PDZRN3: variants seen among roughly 807,000 people sequenced by gnomAD.
The protein encoded by PDZRN3 is E3 ubiquitin-protein ligase PDZRN3.
PDZRN3 carries 38 observed loss-of-function variants against 85.7 expected under a neutral mutation model. The ratio of observed to expected loss-of-function variants is 0.44; its 90% CI spans 0.34 to 0.58. The LOEUF (loss-of-function observed/expected upper bound fraction) is 0.58, where lower values mean the gene tolerates loss of function less well. Among genes scored for constraint, PDZRN3 ranks in the 20% least tolerant of loss-of-function variants. The pLI is 0.01. For missense variants in PDZRN3, 1,629 were observed against 1,506.4 expected, an observed-to-expected ratio of 1.08 and a Z score of -1.35; for synonymous variants, 759 against 638.0, an observed-to-expected ratio of 1.19 and a Z score of -2.86.
chr3:73,555,915 C>T (rs918255927), intron 3 of PDZRN3, among the ~76,000 whole-genome samples: 13 of 152,194 alleles, frequency 8.5e-5, no homozygotes, highest in Middle Eastern at 6.3e-3. Flanking sequence ...TCAATTGTAA[C>T]TCCAGTACTT....
rs1559729335 is a variant in PDZRN3, at chr3:73,540,590, CTGA to C, written c.918+61761_918+61763del. On this transcript the variant is annotated intron_variant, in intron 3 of 9. Coordinates refer to ENST00000263666, the MANE Select transcript of PDZRN3 (RefSeq NM_015009.3). ...GATAGTGAATGAGTTCTCACAAGAT[CTGA>C]TGGTTTTATAAGGGGCATTTTCCTC... 2.6e-5 allele frequency among the ~76,000 whole-genome samples: 4 copies of C among 152,264 alleles called. No individual in the cohort carries two copies. The South Asian group carries it at 8.3e-4, about 32-fold the overall frequency.
At chr3:73,537,760 C>T (rs1482311040) in intron 3 of PDZRN3, among the ~76,000 whole-genome samples, 4 of 151,526 alleles carry the variant, frequency 2.6e-5, no homozygotes, top group Non-Finnish European at 4.4e-5. Context: ...GCAGGGATTA[C>T]AGGCCTGCGC....
chr3:73,400,390 T>C (rs1701724478), intron 5 of PDZRN3, among the ~76,000 whole-genome samples: 1 of 152,246 alleles, frequency 6.6e-6, no homozygotes, highest in Non-Finnish European at 1.5e-5. Flanking sequence ...ATCTTGAATC[T>C]TTATTCCTGT....
chr3:73,611,870 TC>T (rs1702689928), intron 1 of PDZRN3, among the ~76,000 whole-genome samples: 1 of 152,216 alleles, frequency 6.6e-6, no homozygotes, highest in Non-Finnish European at 1.5e-5. Flanking sequence ...TTTAACCTGT[TC>T]CTAGGGTCAA....
chr3:73,511,845 T>C (rs1704172401), intron 3 of PDZRN3, among the ~76,000 whole-genome samples: 1 of 152,188 alleles, frequency 6.6e-6, no homozygotes. Flanking sequence ...CAACGGCCCA[T>C]ATTTACATGA....
intron 3 of PDZRN3, among the ~76,000 whole-genome samples, chr3:73,531,741 C>T (rs991706335): frequency 6.6e-6 from 1 of 152,220 alleles, no homozygotes; most frequent in Admixed American, 6.5e-5. Context: ...AAAATACACA[C>T]ATTTGCTCAT....
chr3:73,392,272 C>T (rs544911554), intron 5 of PDZRN3, among the ~76,000 whole-genome samples: 4 of 152,214 alleles, frequency 2.6e-5, no homozygotes, highest in African/African-American at 4.8e-5. Flanking sequence ...AGAGCTAGAC[C>T]GGGCAGGGCC....
intron 3 of PDZRN3, among the ~76,000 whole-genome samples, chr3:73,506,625 C>T (rs540011191): frequency 3.3e-5 from 5 of 152,104 alleles, no homozygotes; most frequent in East Asian, 3.9e-4. Flanking sequence ...AAGACTTACT[C>T]GAATATGATC....
chr3:73,600,331 A>ACTCT (rs1236234605), intron 3 of PDZRN3, among the ~76,000 whole-genome samples: 80 of 85,978 alleles, frequency 9.3e-4, no homozygotes, highest in Middle Eastern at 6.3e-3. Context: ...ACACACACAC[A>ACTCT]CACACACTCT....
At chr3:73,529,488 C>T (rs565084703) in intron 3 of PDZRN3, among the ~76,000 whole-genome samples, 1 of 152,224 alleles carries the variant, frequency 6.6e-6, no homozygotes, top group East Asian at 1.9e-4. Flanking sequence ...AACGTTTGCA[C>T]TGCCACCTTT....
At position 73,383,945 on chromosome 3, in the gene PDZRN3, G is replaced by T; in HGVS notation, c.2621C>A (p.Pro874Gln). ...GCTCTGGTAGTGCTGGGCGTGCGCC[G>T]GGATGTGCGCGTGCTTGTATGGGGA... is the stretch of plus-strand genomic sequence containing the variant. The part of the protein sequence containing the change: ...HHSPYKHAHI[P>Q]AHAQHYQSYM... The change falls in exon 10 of 10, where the codon CCG becomes CAG. Residue 874 changes from proline (P) to glutamine (Q), a missense_variant. By Grantham distance (76) the Pro-to-Gln change is moderately conservative. Transcript: ENST00000263666. The T allele has an allele frequency of 1.2e-6, 2 of 1,604,178 alleles. No homozygotes were observed. Among genetic ancestry groups the T allele is most frequent in the Non-Finnish European group, 1.7e-6 (2 of 1,175,704 alleles).
At chr3:73,617,483 T>C (rs886214642) in intron 1 of PDZRN3, among the ~76,000 whole-genome samples, 3 of 152,324 alleles carry the variant, frequency 2.0e-5, no homozygotes, top group African/African-American at 7.2e-5. Context: ...GGGTGTCTGA[T>C]TGATCCCCTG....
intron 3 of PDZRN3, among the ~76,000 whole-genome samples, chr3:73,563,105 G>A (rs1475880527): frequency 1.6e-4 from 23 of 140,428 alleles, no homozygotes; most frequent in Admixed American, 8.8e-4. Context: ...TGCAAGCTCC[G>A]CCTCCCAGGT....
intron 3 of PDZRN3, chr3:73,404,608 T>C: frequency 2.0e-6 from 1 of 510,304 alleles, no homozygotes; most frequent in Non-Finnish European, 3.4e-6. Context: ...CATGCAATAA[T>C]AAATCTCACA....
Position 73,383,664 on chromosome 3 carries a change from T to C in PDZRN3, c.2902A>G (p.Lys968Glu), listed in dbSNP as rs1306101685. 3 of 1,612,708 alleles carry C rather than the reference T, an allele frequency of 1.9e-6. No individual in the cohort carries two copies. Among genetic ancestry groups the C allele is most frequent in the Non-Finnish European group, 1.7e-6 (2 of 1,180,010 alleles). ...TCCTTGCTCCAGTAGCGCCCCATCT[T>C]CATCTCGCTCACCGCGTCGTCGTCG... is the stretch of plus-strand genomic sequence containing the variant. Reference protein sequence around the residue: ...TTDDDAVSEMKMGRYWSKEER... With the variant: ...TTDDDAVSEMEMGRYWSKEER... The change falls in exon 10 of 10, where the codon AAG becomes GAG. Residue 968 changes from lysine (K) to glutamate (E), a missense_variant. Physicochemically the swap from Lys to Glu is moderately conservative, Grantham distance 56. Transcript: ENST00000263666.
chr3:73,567,569 A>T (rs1278023652), intron 3 of PDZRN3, among the ~76,000 whole-genome samples: 3 of 151,866 alleles, frequency 2.0e-5, no homozygotes, highest in African/African-American at 4.8e-5. Context: ...CCACTGAATT[A>T]GAAAAAACTC....
chr3:73,590,183 C>T (rs1434868306), intron 3 of PDZRN3, among the ~76,000 whole-genome samples: 1 of 148,818 alleles, frequency 6.7e-6, no homozygotes, highest in African/African-American at 2.5e-5. Flanking sequence ...GCACAAGAAT[C>T]GCTTGAACCG....
intron 3 of PDZRN3, among the ~76,000 whole-genome samples, chr3:73,544,888 A>T (rs975901344): frequency 6.6e-6 from 1 of 152,194 alleles, no homozygotes; most frequent in Admixed American, 6.5e-5. Context: ...AATGTGTGAG[A>T]TTTGATATGA....
At chr3:73,391,252 T>A in intron 5 of PDZRN3, 136 bp from the exon 6 acceptor site, 1 of 597,132 alleles carries the variant, frequency 1.7e-6, no homozygotes, top group African/African-American at 1.8e-5. Flanking sequence ...CCGGTTAACT[T>A]ACTAAACAAA....
Sources: gnomAD v4.1 joint callset for allele counts (sites outside exome capture counted in the v4.1 genomes callset) on GRCh38, gnomAD v4.1.1 for gene constraint, MANE v1.5 for transcripts, NCBI Gene and HGNC (gene_info 2026-07-23, HGNC 2026-07-21) for gene names.